TGFBI: variants seen among roughly 807,000 people sequenced by gnomAD.
The protein encoded by TGFBI is transforming growth factor-beta-induced protein ig-h3.
A neutral mutation model predicts 73.7 loss-of-function variants in TGFBI; 50 were observed. The observed-to-expected ratio is 0.68, with a 90% CI of 0.54 to 0.86. The LOEUF (loss-of-function observed/expected upper bound fraction) is 0.86. Ranked by LOEUF, TGFBI falls within the 40% of genes least tolerant of loss-of-function variation. The pLI is 0.00. For missense variants in TGFBI, 839 were observed against 877.0 expected (o/e 0.96, Z 0.55); for synonymous variants, 362 against 360.5 (o/e 1.00, Z -0.05).
At chr5:136,048,392 G>A (rs45554435) in intron 6 of TGFBI, 47,653 of 152,128 alleles carry the variant, frequency 0.31, 7,769 homozygotes, top group African/African-American at 0.41. Flanking sequence ...CCATTTTGCC[G>A]ATCTTTCCTT....
At position 136,044,071 on chromosome 5, in the gene TGFBI, G is replaced by T; in HGVS notation, c.247G>T (p.Glu83Ter). Residue 83 changes from glutamate (E) to a stop codon, truncating the protein, a stop_gained, in exon 3 of 17, where the codon GAG becomes TAG. Coordinates refer to ENST00000442011, the MANE Select transcript of TGFBI (RefSeq NM_000358.3). LOFTEE classifies it high-confidence loss of function. ...ICGKSTVISY[E>*]CCPGYEKVPG... The stretch of plus-strand genomic sequence containing the variant: ...GTCTTGTTACAGAGTCATCAGCTAC[G>T]AGTGCTGTCCTGGATATGAAAAGGT... The T allele has an allele frequency of 6.2e-7, 1 of 1,613,350 alleles. No individual in the cohort carries two copies. The highest frequency in any genetic ancestry group is 1.1e-5 in the South Asian group (1 of 90,928).
At position 136,054,585 on chromosome 5, in the gene TGFBI, C is replaced by T. The variant is rs937961203; in HGVS notation, c.1265-131C>T. Reference sequence around the variant, plus strand: ...ACCAGATGTTAAGGAATATTGGCAGCTTCACTTGGTTTCTCAATCCCTGTT... The same window carrying T: ...ACCAGATGTTAAGGAATATTGGCAGTTTCACTTGGTTTCTCAATCCCTGTT... On this transcript the variant is annotated intron_variant, in intron 9 of 16. Transcript: ENST00000442011. The T allele has an allele frequency of 1.7e-5, 20 of 1,174,382 alleles. No individual in the cohort carries two copies. The African/African-American group carries it at 2.4e-4, about 14-fold the overall frequency. 72.7% of individuals were successfully genotyped at this position (1,174,382 alleles called of 1,614,324 possible).
At chr5:136,044,285 T>A (rs566305840) in intron 3 of TGFBI, among the ~76,000 whole-genome samples, 163 bp downstream of exon 3, 20 of 152,362 alleles carry the variant, frequency 1.3e-4, no homozygotes, top group African/African-American at 4.8e-4. Context: ...TGCGAGGGGC[T>A]GAGGAATGGA....
At chr5:136,049,272 C>T in intron 6 of TGFBI, 167 bp from the exon 7 acceptor site, 2 of 869,270 alleles carry the variant, frequency 2.3e-6, no homozygotes. Context: ...CAGCAAGGCC[C>T]CCTGGGGGCC....
chr5:136,056,912 A>G, intron 12 of TGFBI, 117 bp downstream of exon 12: 1 of 1,326,752 alleles, frequency 7.5e-7, no homozygotes. Flanking sequence ...TGACAAGACT[A>G]TTAGTGAAAG....
intron 9 of TGFBI, 63 bp from the exon 10 acceptor site, chr5:136,054,653 C>G: frequency 6.2e-7 from 1 of 1,607,576 alleles, no homozygotes; most frequent in Non-Finnish European, 8.5e-7. Context: ...GTATTTATCT[C>G]TCATCACTCT....
Position 136,063,682 on chromosome 5 carries a change from G to GA in TGFBI, c.*456_*457insA. ...TATGAGTTGAAATGTTCTGTCAAAT[G>GA]TGTCTCACATCTACACGTGGCTTGG... On this transcript the variant is annotated 3_prime_UTR_variant, in exon 17 of 17. Coordinates refer to ENST00000442011, the MANE Select transcript of TGFBI (RefSeq NM_000358.3). 8 of 163,072 alleles carry GA rather than the reference G, an allele frequency of 4.9e-5. No homozygotes were observed. Among genetic ancestry groups the GA allele is most frequent in the Non-Finnish European group, 8.0e-5 (6 of 74,752 alleles). 10.1% of individuals were successfully genotyped at this position (163,072 alleles called of 1,614,324 possible).
At position 136,061,518 on chromosome 5, in the gene TGFBI, G is replaced by A. The variant is rs772001755; in HGVS notation, c.1925G>A (p.Arg642Lys). 17 of 1,609,144 alleles carry A rather than the reference G, an allele frequency of 1.1e-5. 1 individual carries two copies. The highest frequency in any genetic ancestry group is 1.4e-5 in the Non-Finnish European group (17 of 1,177,758). The change falls in exon 15 of 17, where the codon AGA (arginine) becomes AAA (lysine). Residue 642 changes from arginine to lysine, a missense_variant. Coordinates refer to ENST00000442011, the MANE Select transcript of TGFBI (RefSeq NM_000358.3). ...TCTTCAGCCAACAGACCTCAGGAAA[G>A]AGGGGATGAACTTGCAGACTCTGCG... Reference protein sequence around the residue: ...LQPPANRPQERGDELADSALE... With the variant: ...LQPPANRPQEKGDELADSALE...
chr5:136,030,090 T>C (rs1751089931), intron 1 of TGFBI, among the ~76,000 whole-genome samples: 2 of 152,164 alleles, frequency 1.3e-5, no homozygotes, highest in Non-Finnish European at 2.9e-5. Context: ...TACCCAGGCT[T>C]TGCTGCAGCT....
At chr5:136,038,980 T>C (rs954596624) in intron 2 of TGFBI, among the ~76,000 whole-genome samples, 2 of 152,192 alleles carry the variant, frequency 1.3e-5, no homozygotes, top group Non-Finnish European at 2.9e-5. Context: ...AAATTTGTGG[T>C]AATTTGTCAC....
At chr5:136,030,966 A>C (rs1322428182) in intron 1 of TGFBI, among the ~76,000 whole-genome samples, 1 of 152,214 alleles carries the variant, frequency 6.6e-6, no homozygotes, top group Non-Finnish European at 1.5e-5. Flanking sequence ...AGTGCTGACC[A>C]GCTGGAAAAC....
intron 6 of TGFBI, chr5:136,049,238 G>T: frequency 1.7e-6 from 1 of 576,970 alleles, no homozygotes; most frequent in Non-Finnish European, 3.0e-6. Context: ...ATGAAAGATG[G>T]CCAGGCTGGC....
At chr5:136,062,933 A>G (rs754722830) in intron 16 of TGFBI, among the ~76,000 whole-genome samples, 1 of 152,214 alleles carries the variant, frequency 6.6e-6, no homozygotes, top group Non-Finnish European at 1.5e-5. Flanking sequence ...CAGCTTAGGA[A>G]GTCTGGGAAT....
intron 8 of TGFBI, among the ~76,000 whole-genome samples, chr5:136,053,360 C>T (rs1308333712): frequency 6.6e-6 from 1 of 152,252 alleles, no homozygotes; most frequent in African/African-American, 2.4e-5. Flanking sequence ...GGGACAGACT[C>T]AATCACAGAG....
chr5:136,061,680 C>T (rs749721682), intron 15 of TGFBI, 101 bp downstream of exon 15: 7 of 963,418 alleles, frequency 7.3e-6, no homozygotes, highest in Non-Finnish European at 1.2e-5. Flanking sequence ...TGGCTGCTCC[C>T]CAGGGCTCTC....
At chr5:136,039,813 T>C (rs865803510) in intron 2 of TGFBI, among the ~76,000 whole-genome samples, 4 of 152,206 alleles carry the variant, frequency 2.6e-5, no homozygotes, top group South Asian at 2.1e-4. Context: ...TGATTTTCTA[T>C]TGGGAGGCTT....
At chr5:136,029,598 G>A (rs1359903895) in intron 1 of TGFBI, among the ~76,000 whole-genome samples, 2 of 152,174 alleles carry the variant, frequency 1.3e-5, no homozygotes, top group Non-Finnish European at 2.9e-5. Context: ...ACCCAGCCAG[G>A]CCCCCGGCCA....
At chr5:136,056,869 T>C (rs1258021650) in intron 12 of TGFBI, 74 bp downstream of exon 12, 48 of 1,508,192 alleles carry the variant, frequency 3.2e-5, no homozygotes, top group Non-Finnish European at 3.9e-5. Flanking sequence ...AGCAAACAGT[T>C]GGCACATCAA....
At chr5:136,051,638 G>A (rs959702004) in intron 7 of TGFBI, among the ~76,000 whole-genome samples, 2 of 152,196 alleles carry the variant, frequency 1.3e-5, no homozygotes, top group East Asian at 3.9e-4. Context: ...GTCTCCTGCT[G>A]TTACCGGCAG....
Sources: allele counts gnomAD v4.1 joint callset (sites outside exome capture counted in the v4.1 genomes callset), GRCh38; gene constraint gnomAD v4.1.1; transcripts MANE v1.5; gene names NCBI Gene and HGNC (gene_info 2026-07-23, HGNC 2026-07-21).